RHBDD1: variants seen among roughly 807,000 people sequenced by gnomAD.
RHBDD1 encodes the protein rhomboid domain containing 1.
A neutral mutation model predicts 36.3 loss-of-function variants in RHBDD1; 38 were observed. The observed-to-expected ratio is 1.05, with a 90% CI of 0.81 to 1.37. The LOEUF (loss-of-function observed/expected upper bound fraction) is 1.37, where lower values mean the gene tolerates loss of function less well. Among genes scored for constraint, RHBDD1 ranks in the 40% most tolerant of loss-of-function variants. The probability of loss-of-function intolerance (pLI) is 0.00; values close to 1 mark genes in which losing one functional copy is unlikely to be tolerated. For missense variants in RHBDD1, 393 were observed against 377.6 expected (o/e 1.04, Z -0.34); for synonymous variants, 151 against 136.5 (o/e 1.11, Z -0.74).
intron 8 of RHBDD1, among the ~76,000 whole-genome samples, chr2:226,964,498 T>C (rs1227998731): frequency 6.6e-6 from 1 of 152,208 alleles, no homozygotes; most frequent in African/African-American, 2.4e-5. Context: ...AACATCAGCC[T>C]TCCTAATGAC....
the RHBDD1 span, among the ~76,000 whole-genome samples, chr2:226,823,998 G>C: frequency 6.6e-6 from 1 of 152,008 alleles, no homozygotes; most frequent in Non-Finnish European, 1.5e-5. Context: ...GTTGCATTGG[G>C]GATTAAGGTT....
rs546111781 is a variant in RHBDD1 at position 226,986,381 on chromosome 2, T to TGTA, written c.857-9049_857-9047dup. Among the ~76,000 whole-genome samples, 252 of 152,352 alleles carry TGTA rather than the reference T, an allele frequency of 1.7e-3. 2 individuals carry two copies. The highest frequency in any genetic ancestry group is 5.7e-3 in the African/African-American group (235 of 41,580). ...GGTTTCTTAGTTTCGACAAATGTAC[T>TGTA]GTAAGATGTTAACATTTAGGGAATA... On this transcript the variant is annotated intron_variant, in intron 8 of 8. Transcript: ENST00000392062.
intron 3 of RHBDD1, among the ~76,000 whole-genome samples, chr2:226,842,654 C>G (rs1232713072): frequency 6.6e-6 from 1 of 152,094 alleles, no homozygotes; most frequent in Non-Finnish European, 1.5e-5. Flanking sequence ...TGTATCTGTT[C>G]TTGTACCAGT....
At chr2:226,841,336 G>T (rs1008804820) in intron 3 of RHBDD1, among the ~76,000 whole-genome samples, 90 of 152,026 alleles carry the variant, frequency 5.9e-4, no homozygotes, top group African/African-American at 2.1e-3. Flanking sequence ...AAGGGTACGT[G>T]TGTAGGATGT....
the RHBDD1 span, among the ~76,000 whole-genome samples, chr2:226,829,593 T>TA: frequency 6.6e-6 from 1 of 152,232 alleles, no homozygotes; most frequent in African/African-American, 2.4e-5. Context: ...TATTCCTAAG[T>TA]ATTTTATTCT....
chr2:226,939,530 T>A (rs1398507191), intron 8 of RHBDD1, among the ~76,000 whole-genome samples: 1 of 151,938 alleles, frequency 6.6e-6, no homozygotes, highest in Non-Finnish European at 1.5e-5. Context: ...TCACAGTTGC[T>A]ACAGATGCCG....
chr2:226,966,823 C>A (rs1408814968), intron 8 of RHBDD1, among the ~76,000 whole-genome samples: 1 of 144,666 alleles, frequency 6.9e-6, no homozygotes, highest in East Asian at 2.0e-4. Flanking sequence ...GCATAGGCCA[C>A]CACATTCTTT....
At chr2:226,853,939 C>T (rs755982508) in intron 3 of RHBDD1, among the ~76,000 whole-genome samples, 11 of 151,996 alleles carry the variant, frequency 7.2e-5, no homozygotes, top group Non-Finnish European at 1.2e-4. Context: ...TTTTCTTGGC[C>T]GGTGGTGGGT....
chr2:226,883,106 T>C (rs912732103), intron 5 of RHBDD1, among the ~76,000 whole-genome samples: 3 of 152,202 alleles, frequency 2.0e-5, no homozygotes, highest in African/African-American at 7.2e-5. Context: ...TCCATAAGAG[T>C]TCCTCATGGC....
At chr2:226,884,319 G>A (rs887991180) in intron 5 of RHBDD1, among the ~76,000 whole-genome samples, 1 of 151,974 alleles carries the variant, frequency 6.6e-6, no homozygotes, top group African/African-American at 2.4e-5. Flanking sequence ...AAGACAGTTG[G>A]GGCTATGAGT....
At chr2:226,961,141 C>T (rs1043073113) in intron 8 of RHBDD1, among the ~76,000 whole-genome samples, 2 of 152,224 alleles carry the variant, frequency 1.3e-5, no homozygotes, top group Non-Finnish European at 2.9e-5. Context: ...ACAACCTCAA[C>T]ATGGCATGGG....
the RHBDD1 span, among the ~76,000 whole-genome samples, chr2:226,827,986 G>A: frequency 0.23 from 34,543 of 152,000 alleles, 7,254 homozygotes; most frequent in African/African-American, 0.56. Context: ...CAAAAAATTC[G>A]TGCATTATTT....
intron 5 of RHBDD1, among the ~76,000 whole-genome samples, chr2:226,871,214 C>G (rs1028381540): frequency 4.0e-5 from 6 of 151,784 alleles, no homozygotes; most frequent in African/African-American, 1.5e-4. Context: ...TATTTTTCCA[C>G]TTGTTTCAAT....
chr2:226,960,271 C>T (rs1457861583), intron 8 of RHBDD1, among the ~76,000 whole-genome samples: 3 of 152,190 alleles, frequency 2.0e-5, no homozygotes, highest in South Asian at 2.1e-4. Context: ...CCAATCAAGT[C>T]GATGGTAGTG....
At chr2:226,994,053 ATGTGTGCT>A (rs1958860432) in intron 8 of RHBDD1, among the ~76,000 whole-genome samples, 2 of 152,014 alleles carry the variant, frequency 1.3e-5, no homozygotes, top group African/African-American at 4.8e-5. Context: ...GTCCAAGGCC[ATGTGTGCT>A]GGCTGCTGCT....
intron 8 of RHBDD1, among the ~76,000 whole-genome samples, chr2:226,922,141 T>C (rs1284318852): frequency 6.6e-6 from 1 of 151,886 alleles, no homozygotes; most frequent in Non-Finnish European, 1.5e-5. Flanking sequence ...CTGTTTTGTC[T>C]GATATAAGCA....
At chr2:226,924,809 C>T (rs1195808649) in intron 8 of RHBDD1, among the ~76,000 whole-genome samples, 1 of 152,068 alleles carries the variant, frequency 6.6e-6, no homozygotes, top group Non-Finnish European at 1.5e-5. Context: ...ATGGGATGTC[C>T]ACAATCACTG....
At chr2:226,988,706 C>G in intron 8 of RHBDD1, 1 of 957,792 alleles carries the variant, frequency 1.0e-6, no homozygotes, top group Non-Finnish European at 1.2e-6. Context: ...ATTTTACAGA[C>G]CTCATATACA....
chr2:226,893,516 C>G (rs1946853228), intron 5 of RHBDD1, among the ~76,000 whole-genome samples: 1 of 152,090 alleles, frequency 6.6e-6, no homozygotes, highest in Admixed American at 6.6e-5. Flanking sequence ...CGTATCAGTT[C>G]AATATGTTAT....
Sources: gnomAD v4.1 joint callset for allele counts (sites outside exome capture counted in the v4.1 genomes callset) on GRCh38, gnomAD v4.1.1 for gene constraint, MANE v1.5 for transcripts, NCBI Gene and HGNC (gene_info 2026-07-23, HGNC 2026-07-21) for gene names.